The following TAF1 variants were observed in gnomAD, a reference collection of about 807,000 sequenced individuals.
TAF1 encodes the protein TATA-box binding protein associated factor 1, also known as transcription initiation factor TFIID subunit 1.
A neutral mutation model predicts 138.5 loss-of-function variants in TAF1; 2 were observed. The observed-to-expected ratio is 0.01, with a 90% confidence interval of 0.01 to 0.05. The LOEUF (loss-of-function observed/expected upper bound fraction) is 0.05. Among genes scored for constraint, TAF1 ranks in the 10% least tolerant of loss-of-function variants. The probability of loss-of-function intolerance (pLI) is 1.00; values close to 1 mark genes in which losing one functional copy is unlikely to be tolerated. For missense variants in TAF1, 709 were observed against 1,478.0 expected, an observed-to-expected ratio of 0.48 and a Z score of 8.53; for synonymous variants, 437 against 503.2, an observed-to-expected ratio of 0.87 and a Z score of 1.76.
At chrX:71,418,971 T>C (rs1332631845) in intron 28 of TAF1, among the ~76,000 whole-genome samples, 1 of 110,807 alleles carries the variant, frequency 9.0e-6, no homozygotes, top group East Asian at 2.8e-4. Context: ...TTCTCCATGT[T>C]GGTCAGGCTG....
At chrX:71,376,207 G>A (rs1320584228) in intron 4 of TAF1, among the ~76,000 whole-genome samples, 1 of 111,968 alleles carries the variant, frequency 8.9e-6, no homozygotes, top group East Asian at 2.8e-4. Context: ...AATGTCAGCT[G>A]TTAACTTTGT....
intron 13 of TAF1, among the ~76,000 whole-genome samples, chrX:71,523,143 C>G (rs1314037691): frequency 2.1e-5 from 2 of 96,609 alleles, no homozygotes; most frequent in Admixed American, 2.5e-4. Flanking sequence ...GATCGTACCA[C>G]TGCGCTCCAG....
Position 71,463,617 on chromosome X carries a change from T to C in TAF1, c.5400-207T>C, listed in dbSNP as rs1161360269. ...TTCAGGTGTAAGGGAGTTTCTTCCATTCAGGTTCTTGTGTATATGACGTTG... is the reference window on the plus strand; with the variant it reads ...TTCAGGTGTAAGGGAGTTTCTTCCACTCAGGTTCTTGTGTATATGACGTTG... On this transcript the variant is annotated intron_variant, in intron 37 of 37. Coordinates refer to ENST00000423759, the MANE Select transcript of TAF1 (RefSeq NM_004606.5). Among the ~76,000 whole-genome samples the C allele has an allele frequency of 2.0e-4, 22 of 111,964 alleles. No homozygotes were observed. In the Admixed American group the frequency reaches 2.1e-3, roughly 11 times the overall value.
Position 71,433,557 on chromosome X carries a change from T to C in TAF1, c.4753+9319T>C, listed in dbSNP as rs958969618. Reference sequence around the variant, plus strand: ...GATTGTTGTCCTAAGGAAATGAGTATCCAGTGTTGCTAGATAACTGAATTT... The same window carrying C: ...GATTGTTGTCCTAAGGAAATGAGTACCCAGTGTTGCTAGATAACTGAATTT... On this transcript the variant is annotated intron_variant, in intron 32 of 37. Transcript: ENST00000423759. 3.6e-5 allele frequency among the ~76,000 whole-genome samples: 4 copies of C among 111,080 alleles called. No individual in the cohort carries two copies. In the East Asian group the frequency reaches 1.1e-3, roughly 31 times the overall value.
chrX:71,447,690 C>G (rs1602705768), intron 32 of TAF1, among the ~76,000 whole-genome samples: 2 of 101,348 alleles, frequency 2.0e-5, no homozygotes, highest in Non-Finnish European at 3.9e-5. Flanking sequence ...GAGCGAGACA[C>G]TGTGTCAAAA....
intron 3 of TAF1, 112 bp from the exon 4 acceptor site, chrX:71,375,055 G>A (rs1490368436): frequency 8.8e-6 from 9 of 1,017,390 alleles, no homozygotes; most frequent in Non-Finnish European, 1.2e-5. Flanking sequence ...CAGCCTGGGC[G>A]ACAGAGCAAG....
intron 7 of TAF1, 126 bp from the exon 8 acceptor site, chrX:71,378,698 T>C (rs1037249335): frequency 5.2e-6 from 4 of 765,334 alleles, no homozygotes; most frequent in Non-Finnish European, 7.8e-6. Context: ...TCCTCCGTTA[T>C]CAGGTGGTTG....
intron 32 of TAF1, among the ~76,000 whole-genome samples, chrX:71,453,054 A>AGAGAGG (rs1483554451): frequency 1.8e-5 from 2 of 110,507 alleles, no homozygotes; most frequent in Non-Finnish European, 3.8e-5. Flanking sequence ...GACCGTGGAA[A>AGAGAGG]GAGAGGGAGA....
intron 13 of TAF1, 75 bp downstream of exon 13, chrX:71,384,210 T>A: frequency 9.0e-7 from 1 of 1,105,767 alleles, no homozygotes; most frequent in Non-Finnish European, 1.2e-6. Context: ...ATGTACAAAC[T>A]TTTTGTTATT....
chrX:71,464,113 ATTTG>A lies in TAF1; in HGVS notation c.*70_*73del. The A allele has an allele frequency of 2.1e-6, 2 of 966,603 alleles. No homozygotes were observed. The highest frequency in any genetic ancestry group is 4.5e-5 in the South Asian group (2 of 44,800). 79.7% of individuals were successfully genotyped at this position (966,603 alleles called of 1,213,427 possible). On this transcript the variant is annotated 3_prime_UTR_variant, in exon 38 of 38. Coordinates refer to ENST00000423759, the MANE Select transcript of TAF1 (RefSeq NM_004606.5). ...AGCCTAGGTGGTTCACCTTTCCCCA[ATTTG>A]TTCATATTTGTACAGTATCTGATCC...
At chrX:71,484,971 C>T (rs1602819286) in intron 13 of TAF1, 1 of 112,024 alleles carries the variant, frequency 8.9e-6, no homozygotes. Flanking sequence ...GGAACTGAGA[C>T]CCTCAGTCCA....
intron 35 of TAF1, 190 bp from the exon 36 acceptor site, chrX:71,459,358 TAGTG>T: frequency 1.0e-6 from 1 of 1,004,773 alleles, no homozygotes; most frequent in Non-Finnish European, 1.3e-6. Context: ...GGGGTCTCCT[TAGTG>T]AGCCCCAATC....
intron 28 of TAF1, among the ~76,000 whole-genome samples, chrX:71,412,404 C>T (rs1256249046): frequency 2.7e-5 from 3 of 111,715 alleles, no homozygotes; most frequent in African/African-American, 9.7e-5. Context: ...GCTGGGATTA[C>T]AGGCATGAGC....
chrX:71,392,510 T>C (rs1053781772), intron 18 of TAF1, 59 bp from the exon 19 acceptor site: 3 of 1,088,791 alleles, frequency 2.8e-6, no homozygotes, highest in Admixed American at 6.9e-5. Context: ...CTTGTAGATA[T>C]TGGCTAGACA....
chrX:71,383,973 A>G lies in TAF1; in HGVS notation c.1959A>G (p.Gln653=). The G allele has an allele frequency of 8.3e-7, 1 of 1,211,294 alleles. No homozygotes were observed. The highest frequency in any genetic ancestry group is 1.1e-6 in the Non-Finnish European group (1 of 895,345). The change falls in exon 13 of 38, where the codon CAA becomes CAG. Residue 653 remains glutamine, a synonymous_variant. Transcript: ENST00000423759. ...TTTGTTCTGGACAGATGAGAGAACA[A>G]GAGAGGCAAGCTTCAGGTGGTGGAG... ...HIKKKAKMRE[Q]ERQASGGGEM...
intron 13 of TAF1, among the ~76,000 whole-genome samples, chrX:71,473,379 G>A (rs768153238): frequency 5.4e-5 from 6 of 111,125 alleles, no homozygotes; most frequent in Non-Finnish European, 1.1e-4. Context: ...ATATCCAAAA[G>A]CCAGAGCCAT....
intron 13 of TAF1, among the ~76,000 whole-genome samples, chrX:71,517,868 T>C (rs1158140273): frequency 9.2e-6 from 1 of 108,616 alleles, no homozygotes. Flanking sequence ...TGTAATCATA[T>C]CGCATTACAG....
At chrX:71,520,470 C>G (rs756822178) in intron 13 of TAF1, among the ~76,000 whole-genome samples, 158 of 106,571 alleles carry the variant, frequency 1.5e-3, no homozygotes, top group African/African-American at 4.9e-3. Flanking sequence ...ATCACTAGGT[C>G]AGGAGTTCAA....
intron 32 of TAF1, among the ~76,000 whole-genome samples, chrX:71,430,180 A>C (rs984961511): frequency 1.8e-5 from 2 of 110,948 alleles, no homozygotes; most frequent in African/African-American, 6.6e-5. Flanking sequence ...GGAGATTGAG[A>C]TCATCCTGGC....
Sources: allele counts gnomAD v4.1 joint callset (sites outside exome capture counted in the v4.1 genomes callset), GRCh38; gene constraint gnomAD v4.1.1; transcripts MANE v1.5; gene names NCBI Gene and HGNC (gene_info 2026-07-23, HGNC 2026-07-21).